Variants in CIT observed in about 807,000 individuals in gnomAD.
CIT encodes citron rho-interacting serine/threonine kinase.
In CIT, 79 loss-of-function variants were observed where a neutral mutation model predicts 272.7. That is an observed-to-expected ratio of 0.29 (90% CI 0.24 to 0.35). CIT has a LOEUF of 0.35. Ranked by LOEUF, CIT falls within the 10% of genes least tolerant of loss-of-function variation. CIT has a pLI of 1.00. For missense variants in CIT, 1,909 were observed against 2,618.3 expected (o/e 0.73, Z 5.91); for synonymous variants, 948 against 995.6 (o/e 0.95, Z 0.90).
At chr12:119,722,167 C>T (rs986984973) in intron 28 of CIT, among the ~76,000 whole-genome samples, 18 of 152,112 alleles carry the variant, frequency 1.2e-4, no homozygotes, top group African/African-American at 3.9e-4. Context: ...GCTATAAAGA[C>T]GCTGGTTTTG....
chr12:119,800,185 A>T (rs1966071955), intron 10 of CIT, among the ~76,000 whole-genome samples: 1 of 152,176 alleles, frequency 6.6e-6, no homozygotes, highest in Non-Finnish European at 1.5e-5. Context: ...AGGCATTCAG[A>T]GCTTGGGGAT....
At chr12:119,817,599 A>G (rs985536859) in intron 9 of CIT, among the ~76,000 whole-genome samples, 1 of 152,094 alleles carries the variant, frequency 6.6e-6, no homozygotes, top group African/African-American at 2.4e-5. Context: ...AGGTACAGCA[A>G]TTTAACAGGA....
chr12:119,708,436 G>A, intron 39 of CIT, 118 bp from the exon 40 acceptor site: 1 of 1,038,668 alleles, frequency 9.6e-7, no homozygotes, highest in Non-Finnish European at 1.3e-6. Flanking sequence ...GATGATCTGA[G>A]TTTTCCACAA....
At chr12:119,849,780 G>T (rs1333137022) in intron 5 of CIT, among the ~76,000 whole-genome samples, 1 of 151,502 alleles carries the variant, frequency 6.6e-6, no homozygotes, top group African/African-American at 2.4e-5. Flanking sequence ...CCGCTTCCCA[G>T]GTTCAAGCGA....
Position 119,829,166 on chromosome 12 carries a change from C to T in CIT, c.753+3605G>A, listed in dbSNP as rs146099060. 3.0e-3 allele frequency among the ~76,000 whole-genome samples: 460 copies of T among 152,182 alleles called. 1 individual carries two copies. Among genetic ancestry groups the T allele is most frequent in the Admixed American group, 8.4e-3 (129 of 15,278 alleles). On this transcript the variant is annotated intron_variant, in intron 7 of 47. Transcript: ENST00000392521. Reference sequence around the variant, plus strand: ...AAAATGCTTCAACATGGTGAAACCCCATCTCTACTAAAAATACAAAAATTA... The same window carrying T: ...AAAATGCTTCAACATGGTGAAACCCTATCTCTACTAAAAATACAAAAATTA...
chr12:119,875,821 A>T (rs1474883248), intron 2 of CIT, among the ~76,000 whole-genome samples: 1 of 152,074 alleles, frequency 6.6e-6, no homozygotes, highest in Non-Finnish European at 1.5e-5. Flanking sequence ...GTCTCTACTA[A>T]AAAGAAAAAT....
Position 119,690,840 on chromosome 12 carries a change from GC to G in CIT, c.5883-387del, listed in dbSNP as rs1382137439. 8.5e-5 allele frequency among the ~76,000 whole-genome samples: 13 copies of G among 152,208 alleles called. No homozygotes were observed. The highest frequency in any genetic ancestry group is 2.9e-4 in the African/African-American group (12 of 41,456). On this transcript the variant is annotated intron_variant, in intron 46 of 47. Coordinates refer to ENST00000392521, the MANE Select transcript of CIT (RefSeq NM_001206999.2). This position sits in a 1 kb window ranked among gnomAD's most constrained non-coding sequence, Gnocchi z 6.0. Reference sequence around the variant, plus strand: ...GGGACAGACAGGAGTTAGGTGACTTGCCTGAGCTAATGAGTGGTAGAGCTGG... The same window carrying G: ...GGGACAGACAGGAGTTAGGTGACTTGCTGAGCTAATGAGTGGTAGAGCTGG...
rs537934380 is a variant in CIT at position 119,700,456 on chromosome 12, C to G, written c.5623+289G>C. Among the ~76,000 whole-genome samples the G allele has an allele frequency of 8.5e-4, 129 of 152,228 alleles. 1 individual carries two copies. The highest frequency in any genetic ancestry group is 1.7e-3 in the Non-Finnish European group (113 of 68,010). ...GGAGTGCAGTGGTGTGATCTCAGCT[C>G]ACTGCAACCTCCGCCTCCTGGGTTC... On this transcript the variant is annotated intron_variant, in intron 44 of 47. Coordinates refer to ENST00000392521, the MANE Select transcript of CIT (RefSeq NM_001206999.2).
intron 3 of CIT, among the ~76,000 whole-genome samples, chr12:119,863,480 A>G (rs1950424459): frequency 6.6e-6 from 1 of 152,094 alleles, no homozygotes; most frequent in Admixed American, 6.6e-5. Context: ...CTACATAACA[A>G]ACCTGTACAT....
intron 5 of CIT, among the ~76,000 whole-genome samples, chr12:119,838,906 C>G (rs1444928371): frequency 6.6e-6 from 1 of 152,076 alleles, no homozygotes; most frequent in Non-Finnish European, 1.5e-5. Context: ...GCTGGGGGCA[C>G]AGGAGGAGGA....
Position 119,703,421 on chromosome 12 carries a change from C to CT in CIT, c.5304+941dup, listed in dbSNP as rs34483318. The stretch of plus-strand genomic sequence containing the variant: ...TATATATTATTCACCCTTCATTTCA[C>CT]TTTTTTTTTTTTTTTTTTTTTTGAG... On this transcript the variant is annotated intron_variant, in intron 41 of 47. Transcript: ENST00000392521. Among the ~76,000 whole-genome samples, 653 of 105,718 alleles carry CT rather than the reference C, an allele frequency of 6.2e-3. 6 individuals are homozygous for CT. The highest frequency in any genetic ancestry group is 0.013 in the East Asian group (58 of 4,350). 69.4% of individuals were successfully genotyped at this position (105,718 alleles called of 152,430 possible).
chr12:119,776,529 G>T, intron 14 of CIT, 121 bp from the exon 15 acceptor site: 1 of 1,153,204 alleles, frequency 8.7e-7, no homozygotes, highest in Non-Finnish European at 1.3e-6. Context: ...GTTATCTTCT[G>T]TAAATAAAGA....
chr12:119,706,206 G>A (rs1321584075), intron 40 of CIT, among the ~76,000 whole-genome samples: 1 of 152,004 alleles, frequency 6.6e-6, no homozygotes, highest in Non-Finnish European at 1.5e-5. Context: ...AGCCTCAGGG[G>A]GTCTATAAAC....
intron 10 of CIT, among the ~76,000 whole-genome samples, chr12:119,794,839 T>G (rs953699065): frequency 3.3e-5 from 5 of 152,166 alleles, no homozygotes; most frequent in African/African-American, 7.2e-5. Context: ...GAACACTCAT[T>G]CTACTCATGG....
chr12:119,797,469 A>G (rs778605751), intron 10 of CIT, among the ~76,000 whole-genome samples: 14 of 152,222 alleles, frequency 9.2e-5, no homozygotes, highest in African/African-American at 1.4e-4. Flanking sequence ...CACACAGGCA[A>G]ATGTTAAACA....
chr12:119,700,915 G>A (rs1395622275), intron 43 of CIT, 90 bp from the exon 44 acceptor site: 6 of 1,054,800 alleles, frequency 5.7e-6, no homozygotes, highest in Admixed American at 3.6e-5. Context: ...GAGGAGCAGA[G>A]CCCAGGGACC....
At chr12:119,869,945 T>C (rs1380620436) in intron 2 of CIT, among the ~76,000 whole-genome samples, 2 of 152,148 alleles carry the variant, frequency 1.3e-5, no homozygotes, top group Non-Finnish European at 2.9e-5. Flanking sequence ...GGGAGTTCAC[T>C]GCAGGTCTGA....
intron 16 of CIT, among the ~76,000 whole-genome samples, chr12:119,774,420 T>C (rs1963527238): frequency 6.6e-6 from 1 of 152,188 alleles, no homozygotes; most frequent in African/African-American, 2.4e-5. Context: ...ATTCTGGCCC[T>C]TCCATTAAGC....
At chr12:119,866,460 G>A (rs755996327) in intron 3 of CIT, among the ~76,000 whole-genome samples, 48 of 152,130 alleles carry the variant, frequency 3.2e-4, no homozygotes, top group African/African-American at 1.1e-3. Context: ...AAGCCTTTTC[G>A]AAATGGGCCA....
Sources: allele counts gnomAD v4.1 joint callset (sites outside exome capture counted in the v4.1 genomes callset), GRCh38; gene constraint gnomAD v4.1.1; non-coding constraint Gnocchi (gnomAD v3.1); transcripts MANE v1.5; gene names NCBI Gene and HGNC (gene_info 2026-07-23, HGNC 2026-07-21).